PLCB4: variants seen among roughly 807,000 people sequenced by gnomAD.
The protein encoded by PLCB4 is phospholipase C beta 4.
Under a neutral mutation model 178.8 loss-of-function variants are expected in PLCB4, and 77 were observed. The ratio of observed to expected loss-of-function variants is 0.43; its 90% confidence interval spans 0.36 to 0.52. The LOEUF (loss-of-function observed/expected upper bound fraction) is 0.52. Ranked by LOEUF, PLCB4 falls within the 20% of genes least tolerant of loss-of-function variation. The pLI, the probability that PLCB4 is intolerant of heterozygous loss-of-function variation, is 0.00. For synonymous variants in PLCB4, 496 were observed against 490.8 expected (o/e 1.01, Z -0.14); for missense variants, 1,024 against 1,453.4 (o/e 0.70, Z 4.80).
chr20:9,326,193 A>G (rs2030530755), intron 4 of PLCB4, among the ~76,000 whole-genome samples: 1 of 152,200 alleles, frequency 6.6e-6, no homozygotes, highest in African/African-American at 2.4e-5. Flanking sequence ...GGTAAGCACC[A>G]TCAGGCCAAA....
intron 2 of PLCB4, among the ~76,000 whole-genome samples, chr20:9,119,158 G>C (rs940619357): frequency 1.3e-5 from 2 of 152,038 alleles, no homozygotes; most frequent in Admixed American, 6.6e-5. Context: ...TAAATGCTAA[G>C]GGAGCAAGTA....
chr20:9,352,575 C>T (rs929551914), intron 7 of PLCB4, among the ~76,000 whole-genome samples: 1 of 152,214 alleles, frequency 6.6e-6, no homozygotes, highest in Non-Finnish European at 1.5e-5. Context: ...TTTGACCTAA[C>T]TGGCCAGTGT....
At chr20:9,292,956 G>T (rs778561919) in intron 3 of PLCB4, among the ~76,000 whole-genome samples, 3 of 152,144 alleles carry the variant, frequency 2.0e-5, no homozygotes, top group Non-Finnish European at 2.9e-5. Flanking sequence ...GTACACACGT[G>T]TAATCCCAGC....
intron 2 of PLCB4, among the ~76,000 whole-genome samples, chr20:9,140,718 C>T (rs532541387): frequency 6.6e-6 from 1 of 151,884 alleles, no homozygotes; most frequent in Non-Finnish European, 1.5e-5. Flanking sequence ...GCCTGCTCCC[C>T]CTTCGCCTTC....
At chr20:9,317,902 C>T (rs373192573) in intron 4 of PLCB4, among the ~76,000 whole-genome samples, 12 of 152,248 alleles carry the variant, frequency 7.9e-5, no homozygotes, top group East Asian at 1.9e-4. Context: ...AGTTGGAGAC[C>T]GGCCTGGCCA....
intron 2 of PLCB4, among the ~76,000 whole-genome samples, chr20:9,101,282 C>T (rs773282053): frequency 3.9e-5 from 6 of 152,138 alleles, no homozygotes; most frequent in African/African-American, 1.4e-4. Flanking sequence ...CAGGCTCTAT[C>T]GTCCTCTTTC....
At chr20:9,213,128 C>CTTTTTTTTTTTTTTTTTTTT (rs56785951) in intron 2 of PLCB4, among the ~76,000 whole-genome samples, 1 of 35,726 alleles carries the variant, frequency 2.8e-5, no homozygotes, top group Non-Finnish European at 4.7e-5. Context: ...CGTTAGCATA[C>CTTTTTTTTTTTTTTTTTTTT]TTTTTTTTTT....
chr20:9,350,436 C>T (rs1435025800), intron 7 of PLCB4, among the ~76,000 whole-genome samples: 1 of 152,188 alleles, frequency 6.6e-6, no homozygotes, highest in Admixed American at 6.5e-5. Flanking sequence ...AGTAACTTGA[C>T]TTTTCAAGGC....
At chr20:9,343,389 A>G (rs1023305238) in intron 7 of PLCB4, among the ~76,000 whole-genome samples, 1 of 152,130 alleles carries the variant, frequency 6.6e-6, no homozygotes, top group African/African-American at 2.4e-5. Context: ...GTATTCTTCT[A>G]CTTCTCAAAG....
intron 3 of PLCB4, among the ~76,000 whole-genome samples, chr20:9,253,400 T>C (rs1200288327): frequency 2.0e-5 from 3 of 152,132 alleles, no homozygotes; most frequent in African/African-American, 4.8e-5. Context: ...GCAAACAAGG[T>C]AGGGCTCCTG....
intron 28 of PLCB4, among the ~76,000 whole-genome samples, chr20:9,428,060 G>T (rs1267356751): frequency 6.6e-6 from 1 of 152,034 alleles, no homozygotes; most frequent in African/African-American, 2.4e-5. Context: ...TCTGCCCAGG[G>T]TTTTCATAGG....
At chr20:9,107,450 G>T (rs1452894948) in intron 2 of PLCB4, among the ~76,000 whole-genome samples, 1 of 152,170 alleles carries the variant, frequency 6.6e-6, no homozygotes, top group Non-Finnish European at 1.5e-5. Flanking sequence ...ACCCCGGCCT[G>T]AGATGGTGGT....
chr20:9,094,144 T>C (rs879389197), intron 1 of PLCB4, among the ~76,000 whole-genome samples: 3 of 152,144 alleles, frequency 2.0e-5, no homozygotes, highest in Non-Finnish European at 4.4e-5. Flanking sequence ...CCCAATTACA[T>C]GAATCAAAGG....
chr20:9,294,872 T>C (rs2147787748), intron 3 of PLCB4, among the ~76,000 whole-genome samples: 1 of 152,222 alleles, frequency 6.6e-6, no homozygotes, highest in South Asian at 2.1e-4. Context: ...CTAAGGCAAA[T>C]CCAGGGACCT....
In PLCB4 at chr20:9,372,365, T is replaced by A; in HGVS notation, c.648T>A (p.Ile216=). ...YEKFYELTQK[I]CPRTDIEDLF... ...AGTTCTATGAACTGACACAAAAGAT[T>A]TGTCCTCGGACAGATATAGAAGATC... The change falls in exon 11 of 40, where the codon ATT becomes ATA. Residue 216 remains isoleucine, a synonymous_variant. Coordinates refer to ENST00000378473, the MANE Select transcript of PLCB4 (RefSeq NM_001377142.1). 1 of 1,601,680 alleles carries A rather than the reference T, an allele frequency of 6.2e-7. No individual in the cohort carries two copies. The highest frequency in any genetic ancestry group is 1.1e-5 in the South Asian group (1 of 90,536).
At chr20:9,174,766 C>G (rs960004622) in intron 2 of PLCB4, among the ~76,000 whole-genome samples, 7 of 152,120 alleles carry the variant, frequency 4.6e-5, no homozygotes, top group Admixed American at 3.9e-4. Context: ...GAACTTATGA[C>G]TGTCATTTAT....
At chr20:9,411,791 C>T (rs1241497205) in intron 25 of PLCB4, among the ~76,000 whole-genome samples, 1 of 151,860 alleles carries the variant, frequency 6.6e-6, no homozygotes, top group Admixed American at 6.6e-5. Context: ...TGTCCCCAAA[C>T]AAGTAAATAT....
intron 2 of PLCB4, among the ~76,000 whole-genome samples, chr20:9,198,100 C>T (rs1216477490): frequency 1.3e-5 from 2 of 152,182 alleles, no homozygotes; most frequent in African/African-American, 2.4e-5. Context: ...TAACTGAATT[C>T]CTGTGGTAAA....
chr20:9,275,514 G>A (rs532205111), intron 3 of PLCB4, among the ~76,000 whole-genome samples: 1 of 152,058 alleles, frequency 6.6e-6, no homozygotes, highest in African/African-American at 2.4e-5. Flanking sequence ...TCATGTGGCT[G>A]TTAAATGGTA....
Sources: gnomAD v4.1 joint callset for allele counts (sites outside exome capture counted in the v4.1 genomes callset) on GRCh38, gnomAD v4.1.1 for gene constraint, MANE v1.5 for transcripts, NCBI Gene and HGNC (gene_info 2026-07-23, HGNC 2026-07-21) for gene names.